AGK: variants seen among roughly 807,000 people sequenced by gnomAD.
AGK encodes the protein acylglycerol kinase, mitochondrial.
AGK carries 52 observed loss-of-function variants against 66.4 expected under a neutral mutation model. That is an observed-to-expected ratio of 0.78 (90% CI 0.63 to 0.99). The LOEUF is 0.99. Ranked by LOEUF, AGK falls within the 50% of genes least tolerant of loss-of-function variation. The pLI is 0.00. For synonymous variants in AGK, 182 were observed against 181.1 expected (o/e 1.00, Z -0.04); for missense variants, 451 against 506.6 (o/e 0.89, Z 1.05).
intron 13 of AGK, among the ~76,000 whole-genome samples, chr7:141,647,544 G>C (rs1447100872): frequency 2.0e-5 from 3 of 152,124 alleles, no homozygotes; most frequent in African/African-American, 4.8e-5. Context: ...TCAAAGTCCA[G>C]TTCTCAGATC....
intron 5 of AGK, among the ~76,000 whole-genome samples, chr7:141,602,173 TTGTGTGTGTGTGTGTGTGTGTGTG>T (rs71172608): frequency 8.0e-6 from 1 of 125,314 alleles, no homozygotes; most frequent in Non-Finnish European, 1.7e-5. Flanking sequence ...GGAGATTTTC[TTGTGTGTGTGTGTGTGTGTGTGTG>T]TGTGTGTGTG....
intron 8 of AGK, among the ~76,000 whole-genome samples, chr7:141,618,990 A>G (rs974038099): frequency 6.6e-6 from 1 of 152,154 alleles, no homozygotes; most frequent in Non-Finnish European, 1.5e-5. Context: ...GGATAAATCT[A>G]ACAAAATATG....
rs1395614533 is a variant in AGK at position 141,654,256 on chromosome 7, T to A, written c.*1332T>A. ...TAATTCTTGGATGATTAAAAGTTTT[T>A]TTATTAGAATGTTCTTTATCCTAAT... On this transcript the variant is annotated 3_prime_UTR_variant, in exon 16 of 16. Coordinates refer to ENST00000649286, the MANE Select transcript of AGK (RefSeq NM_018238.4). The A allele has an allele frequency of 1.3e-5, 2 of 152,160 alleles. No homozygotes were observed. The highest frequency in any genetic ancestry group is 2.9e-5 in the Non-Finnish European group (2 of 68,028). 9.4% of individuals were successfully genotyped at this position (152,160 alleles called of 1,614,324 possible).
intron 5 of AGK, among the ~76,000 whole-genome samples, chr7:141,608,116 A>G (rs968695698): frequency 6.6e-6 from 1 of 152,190 alleles, no homozygotes; most frequent in Non-Finnish European, 1.5e-5. Flanking sequence ...TCCGTCCTTA[A>G]AGAGCTTCAT....
intron 9 of AGK, among the ~76,000 whole-genome samples, chr7:141,628,291 G>C (rs894300146): frequency 5.9e-5 from 9 of 152,200 alleles, no homozygotes; most frequent in Non-Finnish European, 8.8e-5. Flanking sequence ...GTGTATTGAT[G>C]ACACAACCCA....
intron 9 of AGK, among the ~76,000 whole-genome samples, chr7:141,630,568 T>G (rs985356995): frequency 2.3e-4 from 35 of 152,148 alleles, no homozygotes; most frequent in African/African-American, 7.5e-4. Flanking sequence ...GTTTTAAAAT[T>G]TATATTTTCC....
chr7:141,556,408 G>C (rs1466513781), intron 2 of AGK, among the ~76,000 whole-genome samples: 1 of 151,998 alleles, frequency 6.6e-6, no homozygotes, highest in East Asian at 1.9e-4. Context: ...GGCAGTAGTG[G>C]CGTGCACCTG....
At chr7:141,631,067 A>G (rs1369866569) in intron 9 of AGK, among the ~76,000 whole-genome samples, 1 of 152,220 alleles carries the variant, frequency 6.6e-6, no homozygotes, top group East Asian at 1.9e-4. Context: ...GTGAAATTCC[A>G]GTGAGGGTAG....
intron 13 of AGK, among the ~76,000 whole-genome samples, chr7:141,643,993 A>G (rs1797348178): frequency 6.6e-6 from 1 of 152,122 alleles, no homozygotes; most frequent in Admixed American, 6.6e-5. Flanking sequence ...ATTTCTAGGA[A>G]TTTATCCTAC....
chr7:141,602,207 GTGTGTA>G (rs1562969919), intron 5 of AGK, among the ~76,000 whole-genome samples: 69 of 151,602 alleles, frequency 4.6e-4, no homozygotes, highest in African/African-American at 1.6e-3. Flanking sequence ...GTGTGTGTGT[GTGTGTA>G]TGTAGAGACA....
intron 8 of AGK, chr7:141,616,191 C>T (rs1449443744): frequency 6.6e-6 from 1 of 152,116 alleles, no homozygotes; most frequent in Non-Finnish European, 1.5e-5. Flanking sequence ...TCTGCTCTTT[C>T]AAGAAGATAG....
chr7:141,609,293 A>G (rs1796527955), intron 5 of AGK, among the ~76,000 whole-genome samples: 2 of 152,170 alleles, frequency 1.3e-5, no homozygotes, highest in African/African-American at 4.8e-5. Flanking sequence ...GAGTTTCACA[A>G]GACTGTCCAC....
intron 8 of AGK, among the ~76,000 whole-genome samples, chr7:141,620,139 C>G (rs569315113): frequency 6.6e-6 from 1 of 152,244 alleles, no homozygotes; most frequent in Non-Finnish European, 1.5e-5. Flanking sequence ...AAACTCTAGA[C>G]GCAGAAAACA....
At chr7:141,588,914 G>C (rs1414822763) in intron 2 of AGK, among the ~76,000 whole-genome samples, 6 of 152,224 alleles carry the variant, frequency 3.9e-5, no homozygotes, top group Non-Finnish European at 8.8e-5. Context: ...ATAATGAGCA[G>C]TGAGGACACT....
chr7:141,578,988 C>T (rs576812364), intron 2 of AGK, among the ~76,000 whole-genome samples: 28 of 152,114 alleles, frequency 1.8e-4, no homozygotes, highest in Admixed American at 3.9e-4. Context: ...GCAGTGTAAA[C>T]AAGAGCAGGG....
chr7:141,634,464 G>A (rs921061481), intron 10 of AGK, among the ~76,000 whole-genome samples: 2 of 152,174 alleles, frequency 1.3e-5, no homozygotes, highest in Admixed American at 6.5e-5. Context: ...GAAAGGCGGC[G>A]CCTGGCTGTG....
rs1795181655 is a variant in AGK at position 141,555,152 on chromosome 7, C to A, written c.-14-301C>A. Among the ~76,000 whole-genome samples, 1 of 152,166 alleles carries A rather than the reference C, an allele frequency of 6.6e-6. No individual in the cohort carries two copies. The highest frequency in any genetic ancestry group is 2.4e-5 in the African/African-American group (1 of 41,444). ...CCTTCCTCTCTTTCTGCCCCTCCCT[C>A]TTCCTTCTATTGCAATGAAGAAATA... On this transcript the variant is annotated intron_variant, in intron 1 of 15. Coordinates refer to ENST00000649286, the MANE Select transcript of AGK (RefSeq NM_018238.4). This position sits in a 1 kb window ranked among gnomAD's most constrained non-coding sequence, Gnocchi z 4.2.
At chr7:141,635,620 C>T (rs1435699046) in intron 10 of AGK, among the ~76,000 whole-genome samples, 1 of 152,104 alleles carries the variant, frequency 6.6e-6, no homozygotes, top group African/African-American at 2.4e-5. Flanking sequence ...CTGTCATCAC[C>T]CCTAATTATA....
intron 14 of AGK, 41 bp from the exon 15 acceptor site, chr7:141,651,484 G>A: frequency 1.3e-6 from 2 of 1,573,764 alleles, no homozygotes; most frequent in Non-Finnish European, 1.7e-6. Context: ...TAGTGCAGTT[G>A]CCATCACTGG....
Sources: gnomAD v4.1 joint callset for allele counts (sites outside exome capture counted in the v4.1 genomes callset) on GRCh38, gnomAD v4.1.1 for gene constraint, Gnocchi (gnomAD v3.1) non-coding constraint, MANE v1.5 for transcripts, NCBI Gene and HGNC (gene_info 2026-07-23, HGNC 2026-07-21) for gene names.